LOXL2: variants seen among roughly 807,000 people sequenced by gnomAD.
The protein encoded by LOXL2 is lysyl oxidase like 2.
LOXL2 carries 70 observed loss-of-function variants against 93.0 expected under a neutral mutation model. The observed-to-expected ratio is 0.75, with a 90% CI of 0.62 to 0.92. The LOEUF is 0.92. Among genes scored for constraint, LOXL2 ranks in the 40% least tolerant of loss-of-function variants. The pLI is 0.00. For synonymous variants in LOXL2, 438 were observed against 413.2 expected (o/e 1.06, Z -0.73); for missense variants, 973 against 1,054.9 (o/e 0.92, Z 1.08).
chr8:23,361,558 A>C (rs1484772790), intron 2 of LOXL2, among the ~76,000 whole-genome samples: 1 of 152,176 alleles, frequency 6.6e-6, no homozygotes, highest in Admixed American at 6.5e-5. Context: ...AAAAAACAGA[A>C]AATGGGCCAG....
At chr8:23,360,961 C>T (rs1255123169) in intron 2 of LOXL2, among the ~76,000 whole-genome samples, 1 of 151,630 alleles carries the variant, frequency 6.6e-6, no homozygotes, top group Non-Finnish European at 1.5e-5. Context: ...AGTGCAGTGG[C>T]GTGATCTTGG....
intron 1 of LOXL2, among the ~76,000 whole-genome samples, chr8:23,378,016 T>C (rs146725668): frequency 0.088 from 13,474 of 152,270 alleles, 847 homozygotes; most frequent in African/African-American, 0.18. Flanking sequence ...CATTAGTTGA[T>C]GTAGTTTCTT....
intron 1 of LOXL2, among the ~76,000 whole-genome samples, chr8:23,370,038 G>A (rs1804470889): frequency 6.6e-6 from 1 of 152,154 alleles, no homozygotes; most frequent in African/African-American, 2.4e-5. Context: ...AAGCCAGAAT[G>A]GGTCACTCCC....
At chr8:23,323,952 G>A (rs1278145644) in intron 6 of LOXL2, among the ~76,000 whole-genome samples, 2 of 152,096 alleles carry the variant, frequency 1.3e-5, no homozygotes, top group Non-Finnish European at 2.9e-5. Flanking sequence ...TGCCCGCCTC[G>A]GCCTCCCAAA....
At chr8:23,392,443 G>T (rs1342630576) in intron 1 of LOXL2, among the ~76,000 whole-genome samples, 2 of 152,178 alleles carry the variant, frequency 1.3e-5, no homozygotes, top group African/African-American at 4.8e-5. Flanking sequence ...AGAGAGACCT[G>T]CAGGTCCTCG....
chr8:23,323,762 C>T (rs1014390264), intron 6 of LOXL2, among the ~76,000 whole-genome samples: 6 of 152,070 alleles, frequency 3.9e-5, no homozygotes, highest in African/African-American at 7.2e-5. Context: ...AGTGCAGTGA[C>T]GCCATCTCGG....
chr8:23,366,441 C>T lies in LOXL2; in HGVS notation c.355+1556G>A, dbSNP rs185228918. ...ATGTGTATGAGATGGGACTTCCTTT[C>T]TCCTATAATTTCTAGAATAACAGAA... On this transcript the variant is annotated intron_variant, in intron 2 of 13. Coordinates refer to ENST00000389131, the MANE Select transcript of LOXL2 (RefSeq NM_002318.3). 9.5e-4 allele frequency among the ~76,000 whole-genome samples: 144 copies of T among 152,338 alleles called. 1 individual carries two copies. Among genetic ancestry groups the T allele is most frequent in the African/African-American group, 3.1e-3 (129 of 41,592 alleles).
At chr8:23,387,716 G>A (rs12678405) in intron 1 of LOXL2, among the ~76,000 whole-genome samples, 15,543 of 152,042 alleles carry the variant, frequency 0.1, 850 homozygotes, top group East Asian at 0.22. Flanking sequence ...TTGGGAGGCT[G>A]AGGCAGGTGG....
chr8:23,392,922 GA>G (rs1204720907), intron 1 of LOXL2, among the ~76,000 whole-genome samples: 1 of 152,060 alleles, frequency 6.6e-6, no homozygotes, highest in Non-Finnish European at 1.5e-5. Context: ...CAGTCACAAT[GA>G]AAAATTCAAA....
At chr8:23,348,856 G>A (rs1237812666) in intron 3 of LOXL2, among the ~76,000 whole-genome samples, 2 of 150,650 alleles carry the variant, frequency 1.3e-5, no homozygotes, top group South Asian at 2.1e-4. Context: ...CAGCCTGGGC[G>A]ACAGAGCAAG....
rs57485192 is a variant in LOXL2, at chr8:23,380,406, A to AAAAAAAAAAG, written c.-83-11973_-83-11972insCTTTTTTTTT. Among the ~76,000 whole-genome samples the AAAAAAAAAAG allele has an allele frequency of 4.2e-4, 54 of 128,484 alleles. 3 individuals carry two copies. Among genetic ancestry groups the AAAAAAAAAAG allele is most frequent in the African/African-American group, 1.2e-3 (41 of 33,406 alleles). 84.3% of individuals were successfully genotyped at this position (128,484 alleles called of 152,430 possible). The stretch of plus-strand genomic sequence containing the variant: ...GACTCCGTCTCAAAAAAAAAAAAAA[A>AAAAAAAAAAG]AAAAAGACATCTTAATCTGTGGATT... On this transcript the variant is annotated intron_variant, in intron 1 of 13. Coordinates refer to ENST00000389131, the MANE Select transcript of LOXL2 (RefSeq NM_002318.3).
At chr8:23,368,951 C>A (rs10087981) in intron 1 of LOXL2, among the ~76,000 whole-genome samples, 54,191 of 151,960 alleles carry the variant, frequency 0.36, 10,616 homozygotes, top group African/African-American at 0.54. Context: ...CCTTTCCTCC[C>A]GTCTTTGAAT....
intron 1 of LOXL2, among the ~76,000 whole-genome samples, chr8:23,399,532 A>T (rs1481283447): frequency 6.6e-6 from 1 of 152,144 alleles, no homozygotes; most frequent in East Asian, 1.9e-4. Flanking sequence ...TTGAGCTAGC[A>T]TGTTATCATG....
chr8:23,386,835 G>A (rs1408565599), intron 1 of LOXL2, among the ~76,000 whole-genome samples: 2 of 152,094 alleles, frequency 1.3e-5, no homozygotes, highest in Non-Finnish European at 2.9e-5. Context: ...AAGGATCTCC[G>A]TAGCTCCCTC....
intron 3 of LOXL2, among the ~76,000 whole-genome samples, chr8:23,356,476 C>T (rs1804201296): frequency 6.6e-6 from 1 of 152,228 alleles, no homozygotes; most frequent in African/African-American, 2.4e-5. Context: ...GTTCTCTACC[C>T]ATCAGGCCAG....
chr8:23,346,142 T>TAACAA lies in LOXL2; in HGVS notation c.532-4940_532-4939insTTGTT, dbSNP rs1482289467. The stretch of plus-strand genomic sequence containing the variant: ...TAAAATAAAATAAAATAAAATAAAA[T>TAACAA]AAATAAAATAAAATAAAAAATAAAA... On this transcript the variant is annotated intron_variant, in intron 3 of 13. Coordinates refer to ENST00000389131, the MANE Select transcript of LOXL2 (RefSeq NM_002318.3). 4.4e-5 allele frequency among the ~76,000 whole-genome samples: 5 copies of TAACAA among 112,558 alleles called. No individual in the cohort carries two copies. The Admixed American group carries it at 4.8e-4, about 11-fold the overall frequency. 73.8% of individuals were successfully genotyped at this position (112,558 alleles called of 152,430 possible).
intron 11 of LOXL2, among the ~76,000 whole-genome samples, chr8:23,302,642 C>T (rs17760913): frequency 0.18 from 27,270 of 152,178 alleles, 3,114 homozygotes; most frequent in Middle Eastern, 0.27. Flanking sequence ...AAGTCAGTGG[C>T]GGGCCGCTTC....
intron 6 of LOXL2, among the ~76,000 whole-genome samples, chr8:23,327,982 T>C (rs1803608567): frequency 6.6e-6 from 1 of 152,134 alleles, no homozygotes; most frequent in Non-Finnish European, 1.5e-5. Context: ...TTTGGTCCTT[T>C]TGTTGTACAG....
At chr8:23,383,713 T>G (rs1585381045) in intron 1 of LOXL2, among the ~76,000 whole-genome samples, 1 of 140,762 alleles carries the variant, frequency 7.1e-6, no homozygotes, top group Non-Finnish European at 1.5e-5. Context: ...CAGGCTGGAG[T>G]GCAGTGGCGC....
Sources: allele counts gnomAD v4.1 joint callset (sites outside exome capture counted in the v4.1 genomes callset), GRCh38; gene constraint gnomAD v4.1.1; transcripts MANE v1.5; gene names NCBI Gene and HGNC (gene_info 2026-07-23, HGNC 2026-07-21).